Variants in NPAS3 observed in about 807,000 individuals in gnomAD.
The protein encoded by NPAS3 is neuronal PAS domain-containing protein 3.
In NPAS3, 14 loss-of-function variants were observed where a neutral mutation model predicts 73.1. The ratio of observed to expected loss-of-function variants is 0.19; its 90% CI spans 0.13 to 0.30. The LOEUF (loss-of-function observed/expected upper bound fraction) is 0.30, where lower values mean the gene tolerates loss of function less well. NPAS3 is among the 10% of genes least tolerant of loss of function. NPAS3 has a pLI of 1.00. For missense variants in NPAS3, 1,096 were observed against 1,250.0 expected, an observed-to-expected ratio of 0.88 and a Z score of 1.86; for synonymous variants, 620 against 541.5, an observed-to-expected ratio of 1.14 and a Z score of -2.01.
chr14:33,080,122 T>C (rs1249133782), intron 2 of NPAS3, among the ~76,000 whole-genome samples: 1 of 152,086 alleles, frequency 6.6e-6, no homozygotes. Flanking sequence ...TTTTAATTTT[T>C]TTGGGACGGA....
chr14:33,575,838 A>G (rs1460312994), intron 5 of NPAS3, among the ~76,000 whole-genome samples: 1 of 152,230 alleles, frequency 6.6e-6, no homozygotes. Context: ...GAACATGTAC[A>G]TTTAAGACCT....
intron 1 of NPAS3, among the ~76,000 whole-genome samples, chr14:32,964,506 TA>T (rs1410424915): frequency 6.7e-6 from 1 of 149,298 alleles, no homozygotes; most frequent in African/African-American, 2.4e-5. Context: ...CATATATGCA[TA>T]CAATGTGATA....
At chr14:33,002,371 T>A (rs552835736) in intron 1 of NPAS3, among the ~76,000 whole-genome samples, 71 of 152,346 alleles carry the variant, frequency 4.7e-4, no homozygotes, top group African/African-American at 1.7e-3. Context: ...GGTGTTTTCA[T>A]TTGATTCAAG....
chr14:33,690,087 G>A (rs924464479), intron 6 of NPAS3, among the ~76,000 whole-genome samples: 5 of 152,212 alleles, frequency 3.3e-5, no homozygotes, highest in African/African-American at 1.2e-4. Flanking sequence ...TGTGGGTTAT[G>A]TACCCTGAAA....
chr14:32,939,299 A>G (rs763702207), upstream of NPAS3: 6 of 577,704 alleles, frequency 1.0e-5, no homozygotes, highest in East Asian at 2.7e-4. Context: ...GTAAGAGAGG[A>G]AAAAAAATAG....
At chr14:33,769,021 C>A (rs1416128132) in intron 7 of NPAS3, among the ~76,000 whole-genome samples, 1 of 152,102 alleles carries the variant, frequency 6.6e-6, no homozygotes, top group Non-Finnish European at 1.5e-5. Context: ...TGCTTAAGAG[C>A]TTTCAGAAAA....
intron 4 of NPAS3, among the ~76,000 whole-genome samples, chr14:33,380,063 A>T (rs992840455): frequency 2.7e-5 from 4 of 147,964 alleles, no homozygotes; most frequent in African/African-American, 1.0e-4. Flanking sequence ...AATGTTGAAA[A>T]TAAAAAAAAT....
At chr14:33,226,476 A>C (rs1433256460) in intron 3 of NPAS3, among the ~76,000 whole-genome samples, 1 of 152,220 alleles carries the variant, frequency 6.6e-6, no homozygotes, top group Non-Finnish European at 1.5e-5. Flanking sequence ...AATACAATGA[A>C]TAAAATTGGT....
At chr14:33,377,466 A>G (rs1184629710) in intron 4 of NPAS3, among the ~76,000 whole-genome samples, 1 of 152,238 alleles carries the variant, frequency 6.6e-6, no homozygotes, top group Non-Finnish European at 1.5e-5. Flanking sequence ...TTTAATGCAC[A>G]TATGCTTCTC....
chr14:33,641,029 T>C (rs766294424), intron 5 of NPAS3, among the ~76,000 whole-genome samples: 17 of 152,208 alleles, frequency 1.1e-4, no homozygotes, highest in African/African-American at 3.4e-4. Flanking sequence ...GATTTTTTAG[T>C]ATCTTCTGTA....
intron 5 of NPAS3, among the ~76,000 whole-genome samples, chr14:33,618,544 G>C (rs934153727): frequency 1.3e-5 from 2 of 152,040 alleles, no homozygotes. Context: ...GCAAGTAATG[G>C]GGAGCAGCTG....
chr14:33,042,986 G>T (rs1166343660), intron 1 of NPAS3, among the ~76,000 whole-genome samples: 1 of 152,072 alleles, frequency 6.6e-6, no homozygotes, highest in Non-Finnish European at 1.5e-5. Context: ...CCCAGGAAAA[G>T]TACTTTATAT....
At chr14:33,574,760 G>A (rs1567019915) in intron 5 of NPAS3, among the ~76,000 whole-genome samples, 1 of 152,166 alleles carries the variant, frequency 6.6e-6, no homozygotes, top group Non-Finnish European at 1.5e-5. Flanking sequence ...TAAGCTTGAT[G>A]GTATGAAAGG....
intron 7 of NPAS3, among the ~76,000 whole-genome samples, chr14:33,749,918 A>C (rs1456507890): frequency 6.6e-6 from 1 of 152,172 alleles, no homozygotes; most frequent in African/African-American, 2.4e-5. Context: ...TGGGGAAAAC[A>C]TCAGTGGAGA....
rs139829930 is a variant in NPAS3, at chr14:33,068,042, A to G, written c.140+12048A>G. 1.7e-4 allele frequency among the ~76,000 whole-genome samples: 26 copies of G among 152,270 alleles called. No individual in the cohort carries two copies. The Middle Eastern group carries it at 0.01, about 60-fold the overall frequency. Reference sequence around the variant, plus strand: ...CTCCTAACTAGTGTTCTTATCTCCTATCTTACTCAGTTTGGTTCAGATAAA... The same window carrying G: ...CTCCTAACTAGTGTTCTTATCTCCTGTCTTACTCAGTTTGGTTCAGATAAA... On this transcript the variant is annotated intron_variant, in intron 2 of 11. Coordinates refer to ENST00000356141, the Ensembl canonical transcript of NPAS3.
chr14:33,471,372 A>G (rs2050774056), intron 4 of NPAS3, among the ~76,000 whole-genome samples: 1 of 152,246 alleles, frequency 6.6e-6, no homozygotes, highest in Non-Finnish European at 1.5e-5. Context: ...GATTGAAAGC[A>G]AGGTTTCCCT....
intron 3 of NPAS3, among the ~76,000 whole-genome samples, chr14:33,238,086 A>G (rs1447090861): frequency 3.9e-5 from 6 of 152,118 alleles, no homozygotes; most frequent in East Asian, 1.9e-4. Context: ...GGGAAGGCAA[A>G]TGATTGATAA....
intron 9 of NPAS3, among the ~76,000 whole-genome samples, chr14:33,792,581 CAAAAAAAAAAA>C (rs199708187): frequency 1.6e-5 from 2 of 126,208 alleles, no homozygotes; most frequent in African/African-American, 5.8e-5. Flanking sequence ...CACCCCCCTC[CAAAAAAAAAAA>C]AAAAAAAAAT....
intron 4 of NPAS3, among the ~76,000 whole-genome samples, chr14:33,511,431 A>G (rs533056512): frequency 6.6e-6 from 1 of 152,212 alleles, no homozygotes; most frequent in African/African-American, 2.4e-5. Context: ...TAGAAAAATT[A>G]CAATTTAATC....
Sources: gnomAD v4.1 joint callset for allele counts (sites outside exome capture counted in the v4.1 genomes callset) on GRCh38, gnomAD v4.1.1 for gene constraint, MANE v1.5 for transcripts, NCBI Gene and HGNC (gene_info 2026-07-23, HGNC 2026-07-21) for gene names.